Variants in TXNDC16 observed in about 807,000 individuals in gnomAD.
TXNDC16 encodes the protein thioredoxin domain-containing protein 16.
In TXNDC16, 74 loss-of-function variants were observed where a neutral mutation model predicts 85.6. That is an observed-to-expected ratio of 0.86 (90% CI 0.72 to 1.05). TXNDC16 has a LOEUF of 1.05. TXNDC16 is among the 50% of genes least tolerant of loss of function. The probability of loss-of-function intolerance (pLI) is 0.00; values close to 1 mark genes in which losing one functional copy is unlikely to be tolerated. For missense variants in TXNDC16, 959 were observed against 947.0 expected (o/e 1.01, Z -0.17); for synonymous variants, 335 against 326.5 (o/e 1.03, Z -0.28).
chr14:52,475,697 G>A (rs1011601709), intron 14 of TXNDC16, among the ~76,000 whole-genome samples: 6 of 152,006 alleles, frequency 3.9e-5, no homozygotes, highest in Admixed American at 1.3e-4. Context: ...GCTCAGACAC[G>A]CCTAGCCCTG....
In TXNDC16 at chr14:52,536,774, C is replaced by A. The variant is rs2037711235; in HGVS notation, c.337G>T (p.Glu113Ter). The A allele has an allele frequency of 3.1e-6, 5 of 1,611,482 alleles. No individual in the cohort carries two copies. Among genetic ancestry groups the A allele is most frequent in the East Asian group, 2.2e-5 (1 of 44,810 alleles). ...YLFKGNILLR[E>*]FPTDTLFDVN... ...TCAAACAAGGTGTCAGTAGGGAATTCTCTGAGCAATATGTTGCCCCTATAA... is the reference window on the plus strand; with the variant it reads ...TCAAACAAGGTGTCAGTAGGGAATTATCTGAGCAATATGTTGCCCCTATAA... Residue 113 changes from glutamate (E) to a stop codon, truncating the protein, a stop_gained, in exon 6 of 21, where the codon GAA becomes TAA. Coordinates refer to ENST00000281741, the MANE Select transcript of TXNDC16 (RefSeq NM_020784.3). LOFTEE classifies it high-confidence loss of function.
intron 19 of TXNDC16, 54 bp downstream of exon 19, chr14:52,440,510 A>G: frequency 2.9e-6 from 4 of 1,399,786 alleles, no homozygotes; most frequent in Non-Finnish European, 3.8e-6. Context: ...ATGAAAATGT[A>G]ATAATTATTA....
intron 19 of TXNDC16, among the ~76,000 whole-genome samples, chr14:52,440,049 C>G (rs2035131262): frequency 6.6e-6 from 1 of 152,098 alleles, no homozygotes; most frequent in African/African-American, 2.4e-5. Flanking sequence ...TGCCCCATTT[C>G]TGTTATTTTT....
intron 14 of TXNDC16, among the ~76,000 whole-genome samples, chr14:52,471,814 C>T (rs2035914332): frequency 1.3e-5 from 2 of 151,626 alleles, no homozygotes; most frequent in African/African-American, 4.9e-5. Flanking sequence ...GCAGAAATTC[C>T]TACTTGCTCT....
intron 9 of TXNDC16, among the ~76,000 whole-genome samples, chr14:52,499,301 A>G (rs2036602840): frequency 6.6e-6 from 1 of 152,204 alleles, no homozygotes; most frequent in South Asian, 2.1e-4. Flanking sequence ...CACAAACAAC[A>G]AAAGCAAAAA....
intron 7 of TXNDC16, among the ~76,000 whole-genome samples, chr14:52,516,421 C>T (rs952395757): frequency 2.0e-5 from 3 of 152,158 alleles, no homozygotes; most frequent in Non-Finnish European, 2.9e-5. Context: ...TGCTCCATTT[C>T]CTTCCATTTC....
At chr14:52,487,982 T>G (rs2036307945) in intron 12 of TXNDC16, among the ~76,000 whole-genome samples, 1 of 152,216 alleles carries the variant, frequency 6.6e-6, no homozygotes, top group Non-Finnish European at 1.5e-5. Context: ...AGTACAAATA[T>G]AACAATATTT....
chr14:52,470,239 G>A, intron 15 of TXNDC16, 66 bp from the exon 16 acceptor site: 2 of 1,231,928 alleles, frequency 1.6e-6, no homozygotes, highest in Non-Finnish European at 2.2e-6. Flanking sequence ...TAAAAAAAAA[G>A]CATACTAAAC....
intron 14 of TXNDC16, among the ~76,000 whole-genome samples, chr14:52,472,378 T>C (rs539587044): frequency 1.3e-5 from 2 of 152,194 alleles, no homozygotes; most frequent in South Asian, 4.2e-4. Flanking sequence ...TTTCTATCTT[T>C]AGTAGAGACA....
At chr14:52,521,075 A>C (rs2037198253) in intron 6 of TXNDC16, among the ~76,000 whole-genome samples, 1 of 151,986 alleles carries the variant, frequency 6.6e-6, no homozygotes, top group Admixed American at 6.5e-5. Flanking sequence ...AAAAACTATA[A>C]TTTATAAAAC....
intron 16 of TXNDC16, among the ~76,000 whole-genome samples, chr14:52,463,764 G>A (rs1352287441): frequency 1.3e-5 from 2 of 152,074 alleles, no homozygotes; most frequent in Non-Finnish European, 2.9e-5. Context: ...GGCAGCTTTA[G>A]GCTAAATTTA....
rs991026156 is a variant in TXNDC16, at chr14:52,546,602, G to A, written c.-181-2231C>T. ...CTTTACAGTCTTCTGCTGCAGTCAA[G>A]AGAAATGCCCAAATGCTGTCTATTC... On this transcript the variant is annotated intron_variant, in intron 1 of 20. Coordinates refer to ENST00000281741, the MANE Select transcript of TXNDC16 (RefSeq NM_020784.3). Among the ~76,000 whole-genome samples the A allele has an allele frequency of 2.0e-5, 3 of 152,216 alleles. 1 individual carries two copies. Among genetic ancestry groups the A allele is most frequent in the Admixed American group, 2.0e-4 (3 of 15,286 alleles).
At chr14:52,468,978 T>A (rs1170680643) in intron 16 of TXNDC16, among the ~76,000 whole-genome samples, 1 of 150,576 alleles carries the variant, frequency 6.6e-6, no homozygotes, top group African/African-American at 2.4e-5. Context: ...TGGTCTAAAA[T>A]CCATACAAAG....
chr14:52,530,444 AT>A (rs1435774018), intron 6 of TXNDC16, among the ~76,000 whole-genome samples: 156 of 15,498 alleles, frequency 0.01, 6 homozygotes, highest in Non-Finnish European at 0.011. Context: ...TATATAATAT[AT>A]TATTATATAA....
chr14:52,434,059 C>T (rs930587462), intron 20 of TXNDC16, among the ~76,000 whole-genome samples: 2 of 152,034 alleles, frequency 1.3e-5, no homozygotes, highest in African/African-American at 2.4e-5. Context: ...CATGGTGGCA[C>T]GTGCCTGTAG....
Position 52,509,716 on chromosome 14 carries a change from C to A in TXNDC16, c.756+1524G>T, listed in dbSNP as rs146055999. Among the ~76,000 whole-genome samples the A allele has an allele frequency of 1.8e-3, 267 of 151,568 alleles. 1 individual carries two copies. The highest frequency in any genetic ancestry group is 6.3e-3 in the African/African-American group (260 of 41,390). On this transcript the variant is annotated intron_variant, in intron 9 of 20. Coordinates refer to ENST00000281741, the MANE Select transcript of TXNDC16 (RefSeq NM_020784.3). ...AGGAATGGCTGGGCGTGGTGGCTCA[C>A]GCATGTAATCCCAGCACTTTGGGAG... is the stretch of plus-strand genomic sequence containing the variant.
At chr14:52,446,142 A>G (rs1484382650) in intron 18 of TXNDC16, among the ~76,000 whole-genome samples, 11 of 152,222 alleles carry the variant, frequency 7.2e-5, no homozygotes, top group Non-Finnish European at 1.0e-4. Flanking sequence ...TTTTAACTTT[A>G]TATCGCTCAA....
intron 9 of TXNDC16, among the ~76,000 whole-genome samples, chr14:52,507,845 A>G (rs1380054736): frequency 7.3e-5 from 11 of 150,148 alleles, no homozygotes; most frequent in East Asian, 3.9e-4. Context: ...ATGGTGCTGG[A>G]AAAACTGGCT....
At chr14:52,491,604 A>AAAAC (rs71291814) in intron 9 of TXNDC16, among the ~76,000 whole-genome samples, 77,254 of 151,394 alleles carry the variant, frequency 0.51, 20,645 homozygotes, top group East Asian at 0.7. Context: ...AACAATAAAT[A>AAAAC]AGTGTGGGAC....
Sources: gnomAD v4.1 joint callset for allele counts (sites outside exome capture counted in the v4.1 genomes callset) on GRCh38, gnomAD v4.1.1 for gene constraint, MANE v1.5 for transcripts, NCBI Gene and HGNC (gene_info 2026-07-23, HGNC 2026-07-21) for gene names.